The following NALF1 variants were observed in gnomAD, a reference collection of about 807,000 sequenced individuals.
NALF1 encodes NALCN channel auxiliary factor 1.
NALF1 carries 3 observed loss-of-function variants against 48.4 expected under a neutral mutation model. That is an observed-to-expected ratio of 0.06 (90% CI 0.03 to 0.16). NALF1 has a LOEUF of 0.16. Ranked by LOEUF, NALF1 falls within the 10% of genes least tolerant of loss-of-function variation. NALF1 has a pLI of 1.00. For missense variants in NALF1, 526 were observed against 571.5 expected (o/e 0.92, Z 0.81); for synonymous variants, 262 against 245.7 (o/e 1.07, Z -0.62).
intron 1 of NALF1, among the ~76,000 whole-genome samples, chr13:107,795,831 C>T (rs1391310776): frequency 6.6e-6 from 1 of 152,172 alleles, no homozygotes; most frequent in Non-Finnish European, 1.5e-5. Context: ...CTAGTTTCAT[C>T]TCAGTAGCAT....
chr13:107,644,642 C>CACATATATATATATAT (rs1555314846), intron 1 of NALF1, among the ~76,000 whole-genome samples: 5 of 92,250 alleles, frequency 5.4e-5, no homozygotes, highest in African/African-American at 1.8e-4. Flanking sequence ...TACATACATA[C>CACATATATATATATAT]ATACATATAT....
At chr13:107,392,987 G>A (rs1883652219) in intron 1 of NALF1, among the ~76,000 whole-genome samples, 1 of 152,076 alleles carries the variant, frequency 6.6e-6, no homozygotes, top group Non-Finnish European at 1.5e-5. Context: ...GGTGGGGCAT[G>A]GGGTATGGAC....
At chr13:107,771,725 T>C (rs970185299) in intron 1 of NALF1, among the ~76,000 whole-genome samples, 1 of 152,078 alleles carries the variant, frequency 6.6e-6, no homozygotes, top group African/African-American at 2.4e-5. Flanking sequence ...TATCCAGATA[T>C]CTGCAGAACA....
chr13:107,623,080 A>G (rs1879570336), intron 1 of NALF1, among the ~76,000 whole-genome samples: 1 of 152,178 alleles, frequency 6.6e-6, no homozygotes, highest in South Asian at 2.1e-4. Flanking sequence ...GTTCTCATCC[A>G]AACTTTATTA....
chr13:107,307,463 T>A (rs1881958106), intron 1 of NALF1, among the ~76,000 whole-genome samples: 1 of 151,994 alleles, frequency 6.6e-6, no homozygotes, highest in Non-Finnish European at 1.5e-5. Context: ...ATTTGGATGA[T>A]CTCTCTTTTT....
chr13:107,865,595 A>AAT (rs1566510940), intron 1 of NALF1, 87 bp downstream of exon 1: 2 of 1,510,764 alleles, frequency 1.3e-6, no homozygotes, highest in African/African-American at 2.8e-5. Flanking sequence ...CATAGCCAAA[A>AAT]AATAATAATA....
At chr13:107,233,052 C>T (rs958588573) in intron 1 of NALF1, among the ~76,000 whole-genome samples, 2 of 152,194 alleles carry the variant, frequency 1.3e-5, no homozygotes, top group Non-Finnish European at 2.9e-5. Context: ...GGCTGTACTG[C>T]TTCTCTTTCT....
At chr13:107,738,141 T>C (rs915257159) in intron 1 of NALF1, among the ~76,000 whole-genome samples, 3 of 152,194 alleles carry the variant, frequency 2.0e-5, no homozygotes, top group Admixed American at 2.0e-4. Flanking sequence ...CATTTAAGTG[T>C]TTATTTCTAA....
chr13:107,244,757 C>G (rs1302336832), intron 1 of NALF1, among the ~76,000 whole-genome samples: 1 of 152,148 alleles, frequency 6.6e-6, no homozygotes, highest in Non-Finnish European at 1.5e-5. Context: ...ATATGAGAAA[C>G]CATTTTACAC....
At chr13:107,459,989 T>C (rs935405009) in intron 1 of NALF1, among the ~76,000 whole-genome samples, 1 of 152,178 alleles carries the variant, frequency 6.6e-6, no homozygotes, top group Non-Finnish European at 1.5e-5. Context: ...GGAGACGCCA[T>C]CCTTGGCCTT....
intron 1 of NALF1, among the ~76,000 whole-genome samples, chr13:107,374,173 A>G (rs1171194949): frequency 4.6e-5 from 7 of 152,164 alleles, no homozygotes; most frequent in Non-Finnish European, 7.3e-5. Flanking sequence ...TTTCCTACGC[A>G]AGTACTTCTC....
intron 1 of NALF1, among the ~76,000 whole-genome samples, chr13:107,706,221 T>C (rs1355771699): frequency 6.6e-6 from 1 of 152,206 alleles, no homozygotes; most frequent in Non-Finnish European, 1.5e-5. Flanking sequence ...TCAAAAATGC[T>C]TTTCCGCAAC....
intron 1 of NALF1, among the ~76,000 whole-genome samples, chr13:107,784,536 G>A (rs933579209): frequency 2.0e-5 from 3 of 152,046 alleles, no homozygotes; most frequent in Non-Finnish European, 4.4e-5. Flanking sequence ...GGTTGCTCCA[G>A]TAGGAAAAAA....
chr13:107,373,171 G>A (rs1373668935), intron 1 of NALF1, among the ~76,000 whole-genome samples: 1 of 152,006 alleles, frequency 6.6e-6, no homozygotes, highest in Non-Finnish European at 1.5e-5. Flanking sequence ...CTAAATGTTG[G>A]GTCCCTGTTC....
At chr13:107,859,334 T>C (rs1044482919) in intron 1 of NALF1, among the ~76,000 whole-genome samples, 1 of 152,326 alleles carries the variant, frequency 6.6e-6, no homozygotes, top group Non-Finnish European at 1.5e-5. Context: ...TCAATAACGG[T>C]ATTTAAACAG....
At position 107,858,563 on chromosome 13, in the gene NALF1, C is replaced by T. The variant is rs373822204; in HGVS notation, c.915+7119G>A. On this transcript the variant is annotated intron_variant, in intron 1 of 2. Coordinates refer to ENST00000375915, the MANE Select transcript of NALF1 (RefSeq NM_001080396.3). Reference sequence around the variant, plus strand: ...ATTAGCCATTTGTGGTGAGGCACACCTGTAATCCCAGCTACTCAGTGGGCT... The same window carrying T: ...ATTAGCCATTTGTGGTGAGGCACACTTGTAATCCCAGCTACTCAGTGGGCT... 9.2e-5 allele frequency among the ~76,000 whole-genome samples: 14 copies of T among 152,256 alleles called. No individual in the cohort carries two copies. In the East Asian group the frequency reaches 1.9e-3, roughly 21 times the overall value.
chr13:107,606,380 T>TA (rs1879071230), intron 1 of NALF1, among the ~76,000 whole-genome samples: 1 of 146,732 alleles, frequency 6.8e-6, no homozygotes, highest in Non-Finnish European at 1.5e-5. Flanking sequence ...TATATATATA[T>TA]TTTGAGATGG....
intron 2 of NALF1, among the ~76,000 whole-genome samples, chr13:107,207,493 T>C (rs534464000): frequency 6.6e-6 from 1 of 152,316 alleles, no homozygotes; most frequent in Non-Finnish European, 1.5e-5. Context: ...CTCCACAGTT[T>C]AGCCAGTGGT....
intron 1 of NALF1, among the ~76,000 whole-genome samples, chr13:107,310,188 T>C (rs1566481442): frequency 6.6e-6 from 1 of 152,092 alleles, no homozygotes; most frequent in Non-Finnish European, 1.5e-5. Flanking sequence ...GGAAGGCGGA[T>C]CACTTGAGGT....
Sources: gnomAD v4.1 joint callset for allele counts (sites outside exome capture counted in the v4.1 genomes callset) on GRCh38, gnomAD v4.1.1 for gene constraint, MANE v1.5 for transcripts, NCBI Gene and HGNC (gene_info 2026-07-23, HGNC 2026-07-21) for gene names.